SEC24C: variants seen among roughly 807,000 people sequenced by gnomAD.
SEC24C encodes the protein SEC24 homolog C, COPII component, also known as protein transport protein Sec24C.
Under a neutral mutation model 117.0 loss-of-function variants are expected in SEC24C, and 22 were observed. That is an observed-to-expected ratio of 0.19 (90% CI 0.13 to 0.27). The LOEUF (loss-of-function observed/expected upper bound fraction) is 0.27. Among genes scored for constraint, SEC24C ranks in the 10% least tolerant of loss-of-function variants. The pLI, the probability that SEC24C is intolerant of heterozygous loss-of-function variation, is 1.00. For synonymous variants in SEC24C, 506 were observed against 529.4 expected, an observed-to-expected ratio of 0.96 and a Z score of 0.61; for missense variants, 1,155 against 1,375.1, an observed-to-expected ratio of 0.84 and a Z score of 2.53.
In SEC24C at chr10:73,766,776, C is replaced by G. The variant is rs913348279; in HGVS notation, c.1816C>G (p.Pro606Ala). ...TCTCTTTAGCTTATTGGATCAGATT[C>G]CAGAAATGTTTGCAGACACAAGGGA... ...AVITSLLDQI[P>A]EMFADTRETE... Residue 606 changes from proline to alanine, a missense_variant, in exon 13 of 23, where the codon CCA becomes GCA. Pro to Ala is a conservative substitution (Grantham distance 27). This residue lies in a region of SEC24C where 759 missense variants were observed against 992.3 expected (regional missense o/e 0.76). Transcript: ENST00000345254. 1.2e-6 allele frequency: 2 copies of G among 1,614,010 alleles called. No individual in the cohort carries two copies. The highest frequency in any genetic ancestry group is 1.7e-5 in the Admixed American group (1 of 60,018).
chr10:73,746,950 C>T lies in SEC24C; in HGVS notation c.118C>T (p.Pro40Ser). Residue 40 changes from proline (P) to serine (S), a missense_variant, in exon 2 of 23, where the codon CCC becomes TCC. By Grantham distance (74) the Pro-to-Ser change is moderately conservative. Coordinates refer to ENST00000345254, the MANE Select transcript of SEC24C (RefSeq NM_198597.3). ...ATCAGGGTCCACAGCCCCCGCCATT[C>T]CCTATGGAGCCTACAATGGCCCAGT... is the stretch of plus-strand genomic sequence containing the variant. ...GQSGSTAPAI[P>S]YGAYNGPVPG... is the part of the protein sequence containing the mutation. The T allele has an allele frequency of 1.2e-6, 2 of 1,614,064 alleles. No individual in the cohort carries two copies. Among genetic ancestry groups the T allele is most frequent in the Non-Finnish European group, 1.7e-6 (2 of 1,179,952 alleles).
chr10:73,769,850 G>A lies in SEC24C; in HGVS notation c.2697G>A (p.Glu899=), dbSNP rs1204786194. The change falls in exon 20 of 23, where the codon GAG becomes GAA. Residue 899 remains glutamate (E), a synonymous_variant. Transcript: ENST00000345254. The surrounding 1 kb of genome is among the most constrained non-coding windows in gnomAD (Gnocchi z 4.5). ...PSSAGQLILP[E]CMKLLPVYLN... is the part of the protein sequence containing the mutation. ...AATCCCCTCAGTTGATCCTTCCTGA[G>A]TGCATGAAGCTACTCCCAGTTTACC... 1.2e-6 allele frequency: 2 copies of A among 1,614,080 alleles called. No individual in the cohort carries two copies. Among genetic ancestry groups the A allele is most frequent in the Non-Finnish European group, 1.7e-6 (2 of 1,180,044 alleles).
intron 2 of SEC24C, among the ~76,000 whole-genome samples, chr10:73,748,310 T>C (rs907116501): frequency 1.3e-5 from 2 of 151,562 alleles, no homozygotes; most frequent in Non-Finnish European, 2.9e-5. Flanking sequence ...ATTTTTTGTA[T>C]TTTTAGTAGA....
chr10:73,756,524 T>C (rs2082712722), intron 3 of SEC24C, among the ~76,000 whole-genome samples: 1 of 152,238 alleles, frequency 6.6e-6, no homozygotes, highest in African/African-American at 2.4e-5. Flanking sequence ...TGGTGATGGT[T>C]GCATAACTAA....
At chr10:73,761,393 A>C (rs865861860) in intron 6 of SEC24C, among the ~76,000 whole-genome samples, 3 of 152,180 alleles carry the variant, frequency 2.0e-5, no homozygotes, top group South Asian at 4.2e-4. Flanking sequence ...TGTGTATGTA[A>C]AGTCCCACTG....
At position 73,766,255 on chromosome 10, in the gene SEC24C, G is replaced by A. The variant is rs374857675; in HGVS notation, c.1607+45G>A. On this transcript the variant is annotated intron_variant, in intron 11 of 22. Coordinates refer to ENST00000345254, the MANE Select transcript of SEC24C (RefSeq NM_198597.3). ...GGTGTTTCCTGAGGTTAATGATAGG[G>A]TGTCTGGGTTGACTGAAGAAATGTA... 3.8e-6 allele frequency: 6 copies of A among 1,593,540 alleles called. No individual in the cohort carries two copies. The African/African-American group carries it at 6.8e-5, about 18-fold the overall frequency.
chr10:73,753,354 C>T (rs1014377258), intron 3 of SEC24C, among the ~76,000 whole-genome samples: 1 of 152,132 alleles, frequency 6.6e-6, no homozygotes, highest in Non-Finnish European at 1.5e-5. Context: ...GCCCAGCTGA[C>T]TTTCTTGTGG....
In SEC24C at chr10:73,749,694, C is replaced by T. The variant is rs745828279; in HGVS notation, c.173-1414C>T. Among the ~76,000 whole-genome samples, 5 of 152,112 alleles carry T rather than the reference C, an allele frequency of 3.3e-5. No individual in the cohort carries two copies. In the South Asian group the frequency reaches 6.2e-4, roughly 19 times the overall value. The stretch of plus-strand genomic sequence containing the variant: ...GAATAGCTGGGATTACAGGCACATG[C>T]CACCACGCCCGGCTAATTTTTATAT... On this transcript the variant is annotated intron_variant, in intron 2 of 22. Transcript: ENST00000345254.
At position 73,769,667 on chromosome 10, in the gene SEC24C, C is replaced by A. The variant is rs1403541119; in HGVS notation, c.2616C>A (p.Ile872=). The A allele has an allele frequency of 3.1e-6, 5 of 1,614,106 alleles. No individual in the cohort carries two copies. The Admixed American group carries it at 8.3e-5, about 27-fold the overall frequency. The change falls in exon 19 of 23, where the codon ATC becomes ATA. Residue 872 remains isoleucine, a synonymous_variant. Coordinates refer to ENST00000345254, the MANE Select transcript of SEC24C (RefSeq NM_198597.3). This position sits in a 1 kb window ranked among gnomAD's most constrained non-coding sequence, Gnocchi z 4.5. ...SPVKAVRDTL[I]TQCAQILACY... ...TGAAGGCTGTTCGTGACACGCTCAT[C>A]ACCCAGTGTGCCCAGATCCTGGCCT...
intron 1 of SEC24C, among the ~76,000 whole-genome samples, chr10:73,745,816 C>G (rs2082540076): frequency 6.6e-6 from 1 of 151,880 alleles, no homozygotes; most frequent in South Asian, 2.1e-4. Context: ...TTCCAAAGTG[C>G]TGGGATTACA....
chr10:73,751,490 C>T (rs560087040), intron 3 of SEC24C, among the ~76,000 whole-genome samples: 5 of 152,052 alleles, frequency 3.3e-5, no homozygotes, highest in South Asian at 2.1e-4. Context: ...CAGAGGTTGC[C>T]GTGAGCCGAG....
In SEC24C at chr10:73,771,157, A is replaced by G; in HGVS notation, c.*62A>G. On this transcript the variant is annotated 3_prime_UTR_variant, in exon 23 of 23. Coordinates refer to ENST00000345254, the MANE Select transcript of SEC24C (RefSeq NM_198597.3). ...TCCAGAAAGCACCCCAGGATGTCAG[A>G]GAAATTGGGACAGTAACATATCTTA... 6.4e-7 allele frequency: 1 copy of G among 1,572,694 alleles called. No individual in the cohort carries two copies. The highest frequency in any genetic ancestry group is 8.6e-7 in the Non-Finnish European group (1 of 1,157,194).
chr10:73,746,792 C>T lies in SEC24C; in HGVS notation c.-28-13C>T, dbSNP rs2132512966. On this transcript the variant is annotated splice_polypyrimidine_tract_variant and intron_variant, in intron 1 of 22. Coordinates refer to ENST00000345254, the MANE Select transcript of SEC24C (RefSeq NM_198597.3). ...GAAAGTTCATTTTGACTAATTTCTC[C>T]TCTCTCTCACAGGTGAGATCAAATT... 6.5e-7 allele frequency: 1 copy of T among 1,539,274 alleles called. No homozygotes were observed. Among genetic ancestry groups the T allele is most frequent in the South Asian group, 1.2e-5 (1 of 81,012 alleles).
At chr10:73,764,472 C>T (rs1209701483) in intron 8 of SEC24C, among the ~76,000 whole-genome samples, 1 of 146,486 alleles carries the variant, frequency 6.8e-6, no homozygotes, top group African/African-American at 2.6e-5. Context: ...TGCAGTGAGG[C>T]GAGATTGCAC....
rs948869359 is a variant in SEC24C at position 73,766,534 on chromosome 10, A to G, written c.1792A>G (p.Ile598Val). The change falls in exon 12 of 23, where the codon ATC (isoleucine) becomes GTC (valine). Residue 598 changes from isoleucine to valine, a missense_variant. Around this residue, in one of 2 missense-constraint regions of SEC24C, gnomAD observed 759 missense variants for 992.3 expected, o/e 0.76. Transcript: ENST00000345254. ...LVNVNESRAV[I>V]TSLLDQIPEM... ...CAACGTCAATGAGTCTCGGGCAGTT[A>G]TCACCAGGTAAGAGCCAGATTGTGG... 1 of 1,607,148 alleles carries G rather than the reference A, an allele frequency of 6.2e-7. No individual in the cohort carries two copies. The highest frequency in any genetic ancestry group is 1.3e-5 in the African/African-American group (1 of 74,878).
At position 73,759,983 on chromosome 10, in the gene SEC24C, T is replaced by G. The variant is rs191099457; in HGVS notation, c.482-35T>G. The G allele has an allele frequency of 7.4e-4, 1,129 of 1,528,796 alleles. 7 individuals carry two copies. The East Asian group carries it at 0.014, about 19-fold the overall frequency. 94.7% of individuals were successfully genotyped at this position (1,528,796 alleles called of 1,614,324 possible). The stretch of plus-strand genomic sequence containing the variant: ...ATACCGAACAAGGAGGCAGAATGAC[T>G]GGGCTTTTGACTCTACCTTTATTCT... On this transcript the variant is annotated intron_variant, in intron 4 of 22. Transcript: ENST00000345254.
chr10:73,762,487 G>A (rs1230012068), intron 6 of SEC24C, among the ~76,000 whole-genome samples: 1 of 152,162 alleles, frequency 6.6e-6, no homozygotes, highest in Non-Finnish European at 1.5e-5. Flanking sequence ...GATGTATGAT[G>A]GAAGAGGACA....
chr10:73,770,710 G>A lies in SEC24C; in HGVS notation c.3056G>A (p.Ser1019Asn). 1 of 1,614,136 alleles carries A rather than the reference G, an allele frequency of 6.2e-7. No homozygotes were observed. Among genetic ancestry groups the A allele is most frequent in the Non-Finnish European group, 8.5e-7 (1 of 1,180,002 alleles). Residue 1019 changes from serine to asparagine, a missense_variant and splice_region_variant, in exon 22 of 23, where the codon AGT (serine) becomes AAT (asparagine). Ser to Asn is a conservative substitution (Grantham distance 46). Coordinates refer to ENST00000345254, the MANE Select transcript of SEC24C (RefSeq NM_198597.3). ...SSFSQITSGLSVLPVLDNPLS... is the reference protein window; with the variant it reads ...SSFSQITSGLNVLPVLDNPLS... ...GGATAAATGAATTTTGTGTTCTAGA[G>A]TGTTCTGCCAGTTCTGGATAATCCA...
chr10:73,759,962 C>T (rs944844934), intron 4 of SEC24C, 56 bp from the exon 5 acceptor site: 31 of 1,517,854 alleles, frequency 2.0e-5, no homozygotes, highest in African/African-American at 1.9e-4. Flanking sequence ...AGTGATATAC[C>T]GAACAAGGAG....
Sources: gnomAD v4.1 joint callset for allele counts (sites outside exome capture counted in the v4.1 genomes callset) on GRCh38, gnomAD v4.1.1 for gene constraint, gnomAD v4.1.1 regional missense constraint, Gnocchi (gnomAD v3.1) non-coding constraint, MANE v1.5 for transcripts, NCBI Gene and HGNC (gene_info 2026-07-23, HGNC 2026-07-21) for gene names.